NCAPH: variants seen among roughly 807,000 people sequenced by gnomAD.
NCAPH encodes non-SMC condensin I complex subunit H.
Under a neutral mutation model 85.5 loss-of-function variants are expected in NCAPH, and 38 were observed. The observed-to-expected ratio is 0.44, with a 90% confidence interval of 0.34 to 0.58. NCAPH has a LOEUF of 0.58. NCAPH is among the 20% of genes least tolerant of loss of function. NCAPH has a pLI of 0.01. For synonymous variants in NCAPH, 301 were observed against 335.1 expected (o/e 0.90, Z 1.11); for missense variants, 789 against 916.6 (o/e 0.86, Z 1.80).
At chr2:96,356,091 T>C (rs1387954040) in intron 9 of NCAPH, among the ~76,000 whole-genome samples, 1 of 152,242 alleles carries the variant, frequency 6.6e-6, no homozygotes, top group African/African-American at 2.4e-5. Context: ...TTTTATTTGG[T>C]TTCTGGAAGA....
intron 6 of NCAPH, among the ~76,000 whole-genome samples, chr2:96,348,439 G>A (rs1295704082): frequency 2.0e-5 from 3 of 151,880 alleles, no homozygotes; most frequent in Non-Finnish European, 2.9e-5. Context: ...TCCGCCGCCC[G>A]CCTCGGCCTC....
intron 6 of NCAPH, among the ~76,000 whole-genome samples, chr2:96,348,049 C>T (rs545520172): frequency 9.4e-4 from 143 of 152,210 alleles, no homozygotes; most frequent in African/African-American, 3.2e-3. Context: ...AAGACCTTGA[C>T]GTAGGCCGGG....
rs756638441 is a variant in NCAPH at position 96,344,224 on chromosome 2, T to C, written c.715T>C (p.Cys239Arg). The change falls in exon 6 of 18, where the codon TGT becomes CGT. Residue 239 changes from cysteine to arginine, a missense_variant. By Grantham distance (180) the Cys-to-Arg change is radical (BLOSUM62 -3). Transcript: ENST00000240423. The stretch of plus-strand genomic sequence containing the variant: ...CAATGTCTCCGAAGCAGATCGGAAG[T>C]GTGAGGTGAGGAACTGTATGCGCAG... ...NLNVSEADRK[C>R]EIDPMFQKTA... 1.1e-5 allele frequency: 17 copies of C among 1,608,018 alleles called. No individual in the cohort carries two copies. Among genetic ancestry groups the C allele is most frequent in the Non-Finnish European group, 1.4e-5 (17 of 1,178,148 alleles).
chr2:96,370,977 G>A (rs2064765213), intron 17 of NCAPH, among the ~76,000 whole-genome samples: 1 of 152,186 alleles, frequency 6.6e-6, no homozygotes, highest in African/African-American at 2.4e-5. Context: ...AGCCTGTGAA[G>A]GCAGACATGC....
rs752754736 is a variant in NCAPH, at chr2:96,374,989, G to C, written c.*1638G>C. ...TTTGAAAGGAAGAGGCAGGAGGATT[G>C]CTTGAAGTCAGGAGTTCAAGACCAG... On this transcript the variant is annotated 3_prime_UTR_variant, in exon 18 of 18. Transcript: ENST00000240423. Among the ~76,000 whole-genome samples, 10 of 152,094 alleles carry C rather than the reference G, an allele frequency of 6.6e-5. No homozygotes were observed. Among genetic ancestry groups the C allele is most frequent in the Non-Finnish European group, 1.3e-4 (9 of 68,022 alleles).
rs960772689 is a variant in NCAPH, at chr2:96,374,976, A to G, written c.*1625A>G. ...TAAATCCTAGCGCTTTGAAAGGAAGAGGCAGGAGGATTGCTTGAAGTCAGG... is the reference window on the plus strand; with the variant it reads ...TAAATCCTAGCGCTTTGAAAGGAAGGGGCAGGAGGATTGCTTGAAGTCAGG... On this transcript the variant is annotated 3_prime_UTR_variant, in exon 18 of 18. Coordinates refer to ENST00000240423, the MANE Select transcript of NCAPH (RefSeq NM_015341.5). Among the ~76,000 whole-genome samples the G allele has an allele frequency of 2.0e-5, 3 of 152,156 alleles. No individual in the cohort carries two copies. The highest frequency in any genetic ancestry group is 2.0e-4 in the Admixed American group (3 of 15,268).
chr2:96,360,832 T>C (rs2064597065), intron 12 of NCAPH, 122 bp downstream of exon 12: 2 of 1,284,354 alleles, frequency 1.6e-6, no homozygotes, highest in Non-Finnish European at 1.1e-6. Context: ...AGCCAAAGCG[T>C]GTTGCCAGGA....
In NCAPH at chr2:96,361,579, C is replaced by T. The variant is rs961967172; in HGVS notation, c.1587+869C>T. ...CCCTGATTACTGCCTCCTTCATTTG[C>T]CTGGGGCTCTTCTCACATGTCCCTG... On this transcript the variant is annotated intron_variant, in intron 12 of 17. Transcript: ENST00000240423. Among the ~76,000 whole-genome samples, 19 of 151,780 alleles carry T rather than the reference C, an allele frequency of 1.3e-4. No homozygotes were observed. The East Asian group carries it at 3.3e-3, about 26-fold the overall frequency.
At chr2:96,341,464 T>TC in intron 1 of NCAPH, 178 bp from the exon 2 acceptor site, 5 of 720,966 alleles carry the variant, frequency 6.9e-6, no homozygotes, top group Non-Finnish European at 6.7e-6. Flanking sequence ...ACCTATGGCC[T>TC]CCCCCCTGCA....
chr2:96,357,649 C>T lies in NCAPH; in HGVS notation c.1209-1396C>T, dbSNP rs141321485. The stretch of plus-strand genomic sequence containing the variant: ...CTAGGTATCAGATTCTGTTACAGCA[C>T]TAGGCCATACAGACTAGAAATGTGA... On this transcript the variant is annotated intron_variant, in intron 9 of 17. Transcript: ENST00000240423. Among the ~76,000 whole-genome samples the T allele has an allele frequency of 1.7e-3, 266 of 152,296 alleles. 2 individuals are homozygous for T. The highest frequency in any genetic ancestry group is 6.2e-3 in the African/African-American group (259 of 41,558).
chr2:96,340,535 C>T (rs577331570), intron 1 of NCAPH, among the ~76,000 whole-genome samples: 2 of 151,894 alleles, frequency 1.3e-5, no homozygotes, highest in Non-Finnish European at 2.9e-5. Flanking sequence ...GGATTACAGG[C>T]GCCCGCCCCC....
intron 9 of NCAPH, among the ~76,000 whole-genome samples, chr2:96,358,074 C>G (rs2064547720): frequency 6.6e-6 from 1 of 152,090 alleles, no homozygotes; most frequent in South Asian, 2.1e-4. Flanking sequence ...GCTAGGAGTT[C>G]AAGACCAACC....
chr2:96,361,774 A>ATATG (rs2064617564), intron 12 of NCAPH, among the ~76,000 whole-genome samples: 1 of 136,416 alleles, frequency 7.3e-6, no homozygotes, highest in Non-Finnish European at 1.5e-5. Context: ...ATATACATAT[A>ATATG]TATATATACA....
Position 96,354,329 on chromosome 2 carries a change from A to C in NCAPH, c.1149A>C (p.Ala383=), listed in dbSNP as rs762735092. 1 of 1,613,870 alleles carries C rather than the reference A, an allele frequency of 6.2e-7. No homozygotes were observed. Among genetic ancestry groups the C allele is most frequent in the South Asian group, 1.1e-5 (1 of 91,022 alleles). ...FDANDEPDHT[A]VGDHEEFRSW... ...CCAACGATGAACCTGACCACACCGC[A>C]GTTGGGGATCATGAAGAGTTCAGGA... The change falls in exon 9 of 18, where the codon GCA becomes GCC. Residue 383 remains alanine, a synonymous_variant. Coordinates refer to ENST00000240423, the MANE Select transcript of NCAPH (RefSeq NM_015341.5).
intron 6 of NCAPH, among the ~76,000 whole-genome samples, chr2:96,349,958 G>A (rs1455375401): frequency 2.6e-5 from 4 of 152,212 alleles, no homozygotes; most frequent in Non-Finnish European, 5.9e-5. Flanking sequence ...GGAAGGCTAG[G>A]TGTCTTGTCA....
In NCAPH at chr2:96,340,447, A is replaced by G. The variant is rs571213129; in HGVS notation, c.20-1195A>G. 7.9e-5 allele frequency among the ~76,000 whole-genome samples: 11 copies of G among 139,326 alleles called. No homozygotes were observed. The South Asian group carries it at 2.4e-3, about 30-fold the overall frequency. 91.4% of individuals were successfully genotyped at this position (139,326 alleles called of 152,430 possible). On this transcript the variant is annotated intron_variant, in intron 1 of 17. Transcript: ENST00000240423. ...CTCTTGTTGCCTGGGTTGGAGTGCA[A>G]TGGCACAGTCTTGGCTCAGTGCAAC...
At position 96,344,748 on chromosome 2, in the gene NCAPH, G is replaced by A. The variant is rs766334613; in HGVS notation, c.720+519G>A. Among the ~76,000 whole-genome samples the A allele has an allele frequency of 3.3e-5, 5 of 152,220 alleles. No individual in the cohort carries two copies. The East Asian group carries it at 5.8e-4, about 18-fold the overall frequency. Reference sequence around the variant, plus strand: ...TCTATCTAGCAAATCCTAAGGAATCGGCTTAAACAAATGGTACTGGAGGCC... The same window carrying A: ...TCTATCTAGCAAATCCTAAGGAATCAGCTTAAACAAATGGTACTGGAGGCC... On this transcript the variant is annotated intron_variant, in intron 6 of 17. Coordinates refer to ENST00000240423, the MANE Select transcript of NCAPH (RefSeq NM_015341.5).
intron 1 of NCAPH, among the ~76,000 whole-genome samples, chr2:96,337,271 G>T (rs567764795): frequency 6.6e-6 from 1 of 152,324 alleles, no homozygotes; most frequent in East Asian, 1.9e-4. Context: ...TCCTATTTCT[G>T]TTAAGGTATC....
chr2:96,353,389 C>G lies in NCAPH; in HGVS notation c.994C>G (p.His332Asp). The G allele has an allele frequency of 6.2e-7, 1 of 1,613,912 alleles. No homozygotes were observed. Among genetic ancestry groups the G allele is most frequent in the Non-Finnish European group, 8.5e-7 (1 of 1,179,754 alleles). Reference protein sequence around the residue: ...FQFTQWDSETHNESVSALVDK... With the variant: ...FQFTQWDSETDNESVSALVDK... ...GTTTACACAGTGGGACAGTGAAACA[C>G]ATAATGAGGTGTGGTCAAGTTTTAG... The change falls in exon 8 of 18, where the codon CAT becomes GAT. Residue 332 changes from histidine to aspartate, a missense_variant. By Grantham distance (81) the His-to-Asp change is moderately conservative. Coordinates refer to ENST00000240423, the MANE Select transcript of NCAPH (RefSeq NM_015341.5).
Sources: gnomAD v4.1 joint callset for allele counts (sites outside exome capture counted in the v4.1 genomes callset) on GRCh38, gnomAD v4.1.1 for gene constraint, MANE v1.5 for transcripts, NCBI Gene and HGNC (gene_info 2026-07-23, HGNC 2026-07-21) for gene names.